Variants in GPC5 observed in about 807,000 individuals in gnomAD.
GPC5 encodes glypican-5.
A neutral mutation model predicts 53.9 loss-of-function variants in GPC5; 47 were observed. That is an observed-to-expected ratio of 0.87 (90% CI 0.69 to 1.11). GPC5 has a LOEUF of 1.11. Ranked by LOEUF, GPC5 falls within the 50% of genes most tolerant of loss-of-function variation. The probability of loss-of-function intolerance (pLI) is 0.00; values close to 1 mark genes in which losing one functional copy is unlikely to be tolerated. For missense variants in GPC5, 748 were observed against 713.1 expected, an observed-to-expected ratio of 1.05 and a Z score of -0.56; for synonymous variants, 286 against 263.3, an observed-to-expected ratio of 1.09 and a Z score of -0.84.
intron 7 of GPC5, among the ~76,000 whole-genome samples, chr13:92,702,801 G>A (rs1049062614): frequency 1.3e-5 from 2 of 151,996 alleles, no homozygotes; most frequent in African/African-American, 4.8e-5. Flanking sequence ...GCTAATCGGT[G>A]TCTTGCATAT....
intron 3 of GPC5, among the ~76,000 whole-genome samples, chr13:91,697,833 C>T (rs2035911640): frequency 6.6e-6 from 1 of 150,458 alleles, no homozygotes; most frequent in African/African-American, 2.4e-5. Flanking sequence ...ATGTTCTAAA[C>T]AGAACAAATG....
intron 7 of GPC5, among the ~76,000 whole-genome samples, chr13:92,363,708 T>G (rs542699144): frequency 6.6e-6 from 1 of 151,858 alleles, no homozygotes; most frequent in African/African-American, 2.4e-5. Flanking sequence ...AGTGCAAGCC[T>G]TGAAACATCA....
chr13:92,675,586 T>G (rs1294866480), intron 7 of GPC5, among the ~76,000 whole-genome samples: 1 of 152,090 alleles, frequency 6.6e-6, no homozygotes, highest in African/African-American at 2.4e-5. Context: ...CCTCCTTTTT[T>G]TTTTAACTAT....
At chr13:91,970,930 T>C (rs987689108) in intron 6 of GPC5, among the ~76,000 whole-genome samples, 2 of 152,224 alleles carry the variant, frequency 1.3e-5, no homozygotes, top group African/African-American at 4.8e-5. Flanking sequence ...AAGTTCTCTT[T>C]TTTGGTTGTG....
intron 7 of GPC5, among the ~76,000 whole-genome samples, chr13:92,285,187 C>T (rs151281651): frequency 0.013 from 1,899 of 151,914 alleles, 46 homozygotes; most frequent in African/African-American, 0.042. Context: ...TTACAAGGGA[C>T]GTGAAGGACC....
At chr13:92,343,059 C>T (rs1042012043) in intron 7 of GPC5, among the ~76,000 whole-genome samples, 1 of 152,070 alleles carries the variant, frequency 6.6e-6, no homozygotes. Context: ...TGAAACTATA[C>T]CATAGTGAGA....
At chr13:92,283,429 C>A (rs1004178766) in intron 7 of GPC5, among the ~76,000 whole-genome samples, 2 of 152,194 alleles carry the variant, frequency 1.3e-5, no homozygotes, top group African/African-American at 4.8e-5. Context: ...CCCAAATCAA[C>A]AGAATATACG....
At chr13:92,091,757 C>T (rs868848212) in intron 6 of GPC5, among the ~76,000 whole-genome samples, 2 of 147,376 alleles carry the variant, frequency 1.4e-5, no homozygotes, top group Non-Finnish European at 3.0e-5. Context: ...TTCACCCCCC[C>T]ACAGTGAAAA....
chr13:92,704,616 C>T (rs1887878905), intron 7 of GPC5, among the ~76,000 whole-genome samples: 1 of 151,832 alleles, frequency 6.6e-6, no homozygotes, highest in Non-Finnish European at 1.5e-5. Context: ...TGAAATATTA[C>T]AAATGATGAC....
chr13:91,522,311 G>C (rs1484710023), intron 2 of GPC5, among the ~76,000 whole-genome samples: 1 of 152,130 alleles, frequency 6.6e-6, no homozygotes, highest in African/African-American at 2.4e-5. Flanking sequence ...CCCCCTATGG[G>C]CTTCAATTCC....
intron 7 of GPC5, among the ~76,000 whole-genome samples, chr13:92,853,498 G>A (rs370843751): frequency 2.0e-5 from 3 of 152,078 alleles, no homozygotes; most frequent in East Asian, 3.9e-4. Flanking sequence ...ATCCCCATCC[G>A]ATAAGGCGAG....
intron 5 of GPC5, among the ~76,000 whole-genome samples, chr13:91,857,789 G>A (rs1300033054): frequency 6.6e-6 from 1 of 151,066 alleles, no homozygotes; most frequent in Admixed American, 6.6e-5. Flanking sequence ...TATTAAAAAA[G>A]TTCACCTCTA....
intron 7 of GPC5, among the ~76,000 whole-genome samples, chr13:92,217,253 C>T (rs559150549): frequency 6.6e-6 from 1 of 152,332 alleles, no homozygotes; most frequent in Admixed American, 6.5e-5. Context: ...TGTGTACTGA[C>T]AAGGTTCTTT....
intron 6 of GPC5, among the ~76,000 whole-genome samples, chr13:91,953,028 T>A (rs1379527969): frequency 6.6e-6 from 1 of 152,138 alleles, no homozygotes; most frequent in Non-Finnish European, 1.5e-5. Context: ...GAGAGGACAA[T>A]AAAAATGAAT....
chr13:92,763,577 C>T (rs1566408040), intron 7 of GPC5, among the ~76,000 whole-genome samples: 1 of 152,110 alleles, frequency 6.6e-6, no homozygotes, highest in African/African-American at 2.4e-5. Context: ...GCTCTGGGCT[C>T]CAGAGCACAG....
chr13:92,474,082 A>G (rs370780750), intron 7 of GPC5, among the ~76,000 whole-genome samples: 1 of 152,168 alleles, frequency 6.6e-6, no homozygotes, highest in South Asian at 2.1e-4. Flanking sequence ...TAATTATTCT[A>G]AATAACAGCA....
At chr13:91,420,811 G>A (rs943809540) in intron 1 of GPC5, among the ~76,000 whole-genome samples, 2 of 152,162 alleles carry the variant, frequency 1.3e-5, no homozygotes, top group Non-Finnish European at 2.9e-5. Context: ...TGGTTGCCTT[G>A]TGTATAAGGT....
At chr13:92,826,451 T>C (rs906919885) in intron 7 of GPC5, among the ~76,000 whole-genome samples, 4 of 152,112 alleles carry the variant, frequency 2.6e-5, no homozygotes, top group African/African-American at 9.7e-5. Flanking sequence ...TATAAATTGC[T>C]GCCTTGTGAG....
intron 5 of GPC5, among the ~76,000 whole-genome samples, chr13:91,860,927 T>A (rs2039020926): frequency 6.6e-6 from 1 of 152,376 alleles, no homozygotes. Context: ...TATACTGTTT[T>A]CCTTGATTAT....
Sources: gnomAD v4.1 joint callset for allele counts (sites outside exome capture counted in the v4.1 genomes callset) on GRCh38, gnomAD v4.1.1 for gene constraint, MANE v1.5 for transcripts, NCBI Gene and HGNC (gene_info 2026-07-23, HGNC 2026-07-21) for gene names.